NDUFS2: variants seen among roughly 807,000 people sequenced by gnomAD.
NDUFS2 encodes NADH:ubiquinone oxidoreductase core subunit S2.
In NDUFS2, 38 loss-of-function variants were observed where a neutral mutation model predicts 69.6. The ratio of observed to expected loss-of-function variants is 0.55; its 90% CI spans 0.42 to 0.72. The LOEUF is 0.72. NDUFS2 is among the 30% of genes least tolerant of loss of function. The pLI, the probability that NDUFS2 is intolerant of heterozygous loss-of-function variation, is 0.00. For synonymous variants in NDUFS2, 194 were observed against 211.2 expected (o/e 0.92, Z 0.70); for missense variants, 468 against 595.0 (o/e 0.79, Z 2.22).
At position 161,212,577 on chromosome 1, in the gene NDUFS2, T is replaced by G. The variant is rs1665832152; in HGVS notation, c.1116+97T>G. 2.7e-6 allele frequency: 4 copies of G among 1,505,522 alleles called. No individual in the cohort carries two copies. In the South Asian group the frequency reaches 4.8e-5, roughly 18 times the overall value. The allele number at this position is 1,505,522 out of a possible 1,614,324, so 93.3% of individuals were successfully genotyped here. On this transcript the variant is annotated intron_variant, in intron 10 of 13. Coordinates refer to ENST00000676972, the MANE Select transcript of NDUFS2 (RefSeq NM_001377299.1). ...TTAAATCCTATCTTTTGGTTTTCTT[T>G]TTTTTTTGAGACAGAGTTTTACTCT...
At chr1:161,202,558 A>C in intron 1 of NDUFS2, 78 bp downstream of exon 1, 1 of 1,378,716 alleles carries the variant, frequency 7.3e-7, no homozygotes, top group South Asian at 1.2e-5. Flanking sequence ...ACTCCCCCAG[A>C]AAATAATAAC....
At chr1:161,197,871 G>A (rs1664918482), upstream of NDUFS2, 26 of 1,403,172 alleles carry the variant, frequency 1.9e-5, no homozygotes, top group Non-Finnish European at 2.5e-5. Context: ...GAAAGGAAAG[G>A]CAGGCAGAAG....
rs886045464 is a variant in NDUFS2 at position 161,213,651 on chromosome 1, A to G, written c.1215A>G (p.Gly405=). 5 of 1,614,058 alleles carry G rather than the reference A, an allele frequency of 3.1e-6. No homozygotes were observed. Among genetic ancestry groups the G allele is most frequent in the Non-Finnish European group, 4.2e-6 (5 of 1,180,020 alleles). The change falls in exon 12 of 14, where the codon GGA becomes GGG. Residue 405 remains glycine, a splice_region_variant and synonymous_variant. Transcript: ENST00000676972. ...ATYTAIEAPK[G]EFGVYLVSDG... ...ACCCAACCTTCTTCCTTGAACAGGGAGAGTTTGGGGTGTACCTGGTGTCTG... is the reference window on the plus strand; with the variant it reads ...ACCCAACCTTCTTCCTTGAACAGGGGGAGTTTGGGGTGTACCTGGTGTCTG...
In NDUFS2 at chr1:161,203,337, AAACAGGT is replaced by A. The variant is rs556199124; in HGVS notation, c.96-99_96-93del. On this transcript the variant is annotated intron_variant, in intron 1 of 13. Coordinates refer to ENST00000676972, the MANE Select transcript of NDUFS2 (RefSeq NM_001377299.1). ...AAACAAAAAACAAAACAAAACAAAA[AAACAGGT>A]CATCCTTCCTGGGTCCCCTTGAGAG... 6,021 of 1,020,254 alleles carry A rather than the reference AAACAGGT, an allele frequency of 5.9e-3. 29 individuals are homozygous for A. The highest frequency in any genetic ancestry group is 0.012 in the Middle Eastern group (52 of 4,210). The allele number at this position is 1,020,254 out of a possible 1,614,324, so 63.2% of individuals were successfully genotyped here. A position where few individuals can be genotyped will look rare whatever the true frequency, so the allele number is the denominator to read the frequency against.
At chr1:161,200,037 G>A (rs1361562578), upstream of NDUFS2, among the ~76,000 whole-genome samples, 1 of 152,002 alleles carries the variant, frequency 6.6e-6, no homozygotes, top group Non-Finnish European at 1.5e-5. Flanking sequence ...CTTGCTCTCA[G>A]GAACCCAGAT....
rs747896373 is a variant in NDUFS2, at chr1:161,206,456, T to G, written c.252T>G (p.Phe84Leu). Residue 84 changes from phenylalanine (F) to leucine (L), a missense_variant, in exon 3 of 14, where the codon TTT becomes TTG. Transcript: ENST00000676972. The stretch of plus-strand genomic sequence containing the variant: ...TTGTGAAGAACATTACCCTGAACTT[T>G]GGGCCCCAACACCCAGCAGCGCATG... The part of the protein sequence containing the change: ...DTIVKNITLN[F>L]GPQHPAAHGV... 44 of 1,614,134 alleles carry G rather than the reference T, an allele frequency of 2.7e-5. No homozygotes were observed. The highest frequency in any genetic ancestry group is 3.7e-5 in the Non-Finnish European group (44 of 1,180,054).
chr1:161,214,070 C>A, intron 13 of NDUFS2, 86 bp from the exon 14 acceptor site: 7 of 1,613,504 alleles, frequency 4.3e-6, no homozygotes, highest in Non-Finnish European at 5.9e-6. Flanking sequence ...GGTTCTGGAT[C>A]TTGGGTAACA....
In NDUFS2 at chr1:161,202,390, C is replaced by T. The variant is rs1176449973; in HGVS notation, c.5C>T (p.Ala2Val). The T allele has an allele frequency of 6.2e-7, 1 of 1,611,196 alleles. No homozygotes were observed. The highest frequency in any genetic ancestry group is 8.5e-7 in the Non-Finnish European group (1 of 1,179,042). ...GCAGTCTGCAGCCGGAGTAAGATGG[C>T]GGCGCTGAGGGCTTTGTGCGGCTTC... Reference protein sequence around the residue: MAALRALCGFRG... With the variant: MVALRALCGFRG... Residue 2 changes from alanine to valine, a missense_variant, in exon 1 of 14, where the codon GCG becomes GTG. Ala to Val is a moderately conservative substitution (Grantham distance 64). Coordinates refer to ENST00000676972, the MANE Select transcript of NDUFS2 (RefSeq NM_001377299.1).
chr1:161,201,745 G>T (rs1665133028), upstream of NDUFS2, among the ~76,000 whole-genome samples: 1 of 152,164 alleles, frequency 6.6e-6, no homozygotes, highest in Non-Finnish European at 1.5e-5. Flanking sequence ...GGATGAGGTG[G>T]CTCCTACACA....
Position 161,202,419 on chromosome 1 carries a change from G to T in NDUFS2, c.34G>T (p.Gly12Cys). The change falls in exon 1 of 14, where the codon GGC becomes TGC. Residue 12 changes from glycine to cysteine, a missense_variant. Physicochemically the swap from Gly to Cys is radical, Grantham distance 159. Around this residue, in one of 3 missense-constraint regions of NDUFS2, gnomAD observed 57 missense variants for 42.3 expected, o/e 1.35. Coordinates refer to ENST00000676972, the MANE Select transcript of NDUFS2 (RefSeq NM_001377299.1). ...AALRALCGFR[G>C]VAAQVLRPGA... ...GCTGAGGGCTTTGTGCGGCTTCCGG[G>T]GCGTCGCGGCCCAGGTGCTGCGGCC... 6.2e-7 allele frequency: 1 copy of T among 1,612,932 alleles called. No individual in the cohort carries two copies. The highest frequency in any genetic ancestry group is 8.5e-7 in the Non-Finnish European group (1 of 1,179,726).
chr1:161,197,554 G>A (rs74124657), upstream of NDUFS2: 1,666 of 170,530 alleles, frequency 9.8e-3, 32 homozygotes, highest in African/African-American at 0.035. Context: ...TGATTTTAAA[G>A]GCAGCATCAG....
Sources: allele counts gnomAD v4.1 joint callset (sites outside exome capture counted in the v4.1 genomes callset), GRCh38; gene constraint gnomAD v4.1.1; regional missense constraint gnomAD v4.1.1; transcripts MANE v1.5; gene names NCBI Gene and HGNC (gene_info 2026-07-23, HGNC 2026-07-21).